Variants in AGPAT4 observed in about 807,000 individuals in gnomAD.
AGPAT4 encodes 1-acylglycerol-3-phosphate O-acyltransferase 4, also known as 1-acyl-sn-glycerol-3-phosphate acyltransferase delta.
Under a neutral mutation model 48.0 loss-of-function variants are expected in AGPAT4, and 15 were observed. The ratio of observed to expected loss-of-function variants is 0.31; its 90% CI spans 0.21 to 0.48. The LOEUF is 0.48. Among genes scored for constraint, AGPAT4 ranks in the 20% least tolerant of loss-of-function variants. AGPAT4 has a pLI of 0.99. For synonymous variants in AGPAT4, 178 were observed against 198.7 expected (o/e 0.90, Z 0.88); for missense variants, 314 against 482.5 (o/e 0.65, Z 3.27).
rs1224926887 is a variant in AGPAT4, at chr6:161,240,794, T to C, written c.-89-8492A>G. Among the ~76,000 whole-genome samples, 1 of 152,148 alleles carries C rather than the reference T, an allele frequency of 6.6e-6. No homozygotes were observed. The highest frequency in any genetic ancestry group is 1.5e-5 in the Non-Finnish European group (1 of 68,040). ...CTCCACCAGGGCGGCAACTAACTTG[T>C]ACAGGTCTGAGGAACGTGCTCTGTT... is the stretch of plus-strand genomic sequence containing the variant. On this transcript the variant is annotated intron_variant, in intron 1 of 8. Coordinates refer to ENST00000320285, the MANE Select transcript of AGPAT4 (RefSeq NM_020133.3). This position sits in a 1 kb window ranked among gnomAD's most constrained non-coding sequence, Gnocchi z 5.5.
At chr6:161,211,254 T>C (rs1435485834) in intron 2 of AGPAT4, among the ~76,000 whole-genome samples, 1 of 152,202 alleles carries the variant, frequency 6.6e-6, no homozygotes, top group Non-Finnish European at 1.5e-5. Context: ...TAAAGTTATA[T>C]TAAATTAAAT....
rs1024188413 is a variant in AGPAT4 at position 161,255,718 on chromosome 6, G to A, written c.-90+18220C>T. ...GAACTTGTGGTTGTCTAGGGCTGGAGGGGGCAGGATGGGGGAGTGACTGCT... is the reference window on the plus strand; with the variant it reads ...GAACTTGTGGTTGTCTAGGGCTGGAAGGGGCAGGATGGGGGAGTGACTGCT... On this transcript the variant is annotated intron_variant, in intron 1 of 8. Coordinates refer to ENST00000320285, the MANE Select transcript of AGPAT4 (RefSeq NM_020133.3). The surrounding 1 kb of genome is among the most constrained non-coding windows in gnomAD (Gnocchi z 4.7). Among the ~76,000 whole-genome samples, 4 of 152,038 alleles carry A rather than the reference G, an allele frequency of 2.6e-5. No individual in the cohort carries two copies. The highest frequency in any genetic ancestry group is 9.7e-5 in the African/African-American group (4 of 41,374).
chr6:161,260,666 A>C (rs1397723455), intron 1 of AGPAT4, among the ~76,000 whole-genome samples: 8 of 148,302 alleles, frequency 5.4e-5, no homozygotes, highest in South Asian at 2.1e-4. Flanking sequence ...AAAAAAAAAA[A>C]AAAAAAAAAA....
rs10585542 is a variant in AGPAT4, at chr6:161,203,381, CTTTT to C, written c.178+28651_178+28654del. Among the ~76,000 whole-genome samples the C allele has an allele frequency of 6.6e-4, 73 of 110,778 alleles. 1 individual carries two copies. The highest frequency in any genetic ancestry group is 1.1e-3 in the African/African-American group (34 of 31,634). The allele number at this position is 110,778 out of a possible 152,430, so 72.7% of individuals were successfully genotyped here. A position where few individuals can be genotyped will look rare whatever the true frequency, so the allele number is the denominator to read the frequency against. ...TTGTGGGAGAGTGTTCTTTTTCTTTCTTTTTTTTTTTTTTTTTTTTTTTTGAGAC... is the reference window on the plus strand; with the variant it reads ...TTGTGGGAGAGTGTTCTTTTTCTTTCTTTTTTTTTTTTTTTTTTTTGAGAC... On this transcript the variant is annotated intron_variant, in intron 2 of 8. Transcript: ENST00000320285.
In AGPAT4 at chr6:161,140,517, G is replaced by A. The variant is rs566469610; in HGVS notation, c.844-897C>T. ...ACATAAATGCACTGCGAAAGAACGC[G>A]GTGGCTCTTCCCTGGGTGTCTCATG... On this transcript the variant is annotated intron_variant, in intron 7 of 8. Coordinates refer to ENST00000320285, the MANE Select transcript of AGPAT4 (RefSeq NM_020133.3). This position sits in a 1 kb window ranked among gnomAD's most constrained non-coding sequence, Gnocchi z 6.5. 3.9e-5 allele frequency among the ~76,000 whole-genome samples: 6 copies of A among 152,326 alleles called. No homozygotes were observed. The highest frequency in any genetic ancestry group is 2.1e-4 in the South Asian group (1 of 4,828).
At chr6:161,187,923 A>C (rs2080146236) in intron 2 of AGPAT4, among the ~76,000 whole-genome samples, 1 of 152,212 alleles carries the variant, frequency 6.6e-6, no homozygotes, top group Admixed American at 6.5e-5. Flanking sequence ...TAAAATCTAC[A>C]TAAGATAAAT....
Position 161,165,781 on chromosome 6 carries a change from A to G in AGPAT4, c.348+467T>C, listed in dbSNP as rs994851628. Reference sequence around the variant, plus strand: ...AATTTTGCAGTTCACTCTCTCACTTATGGACTCAAAGTTCTTAAGCCTTCA... The same window carrying G: ...AATTTTGCAGTTCACTCTCTCACTTGTGGACTCAAAGTTCTTAAGCCTTCA... On this transcript the variant is annotated intron_variant, in intron 3 of 8. Transcript: ENST00000320285. The surrounding 1 kb of genome is among the most constrained non-coding windows in gnomAD (Gnocchi z 5.5). The G allele has an allele frequency of 1.3e-4, 76 of 605,146 alleles. No individual in the cohort carries two copies. Among genetic ancestry groups the G allele is most frequent in the Non-Finnish European group, 2.3e-5 (8 of 340,446 alleles). The allele number at this position is 605,146 out of a possible 1,614,324, so 37.5% of individuals were successfully genotyped here. A position where few individuals can be genotyped will look rare whatever the true frequency, so the allele number is the denominator to read the frequency against.
At position 161,221,199 on chromosome 6, in the gene AGPAT4, G is replaced by A. The variant is rs1417231820; in HGVS notation, c.178+10837C>T. Among the ~76,000 whole-genome samples the A allele has an allele frequency of 6.6e-6, 1 of 152,106 alleles. No individual in the cohort carries two copies. The highest frequency in any genetic ancestry group is 6.6e-5 in the Admixed American group (1 of 15,264). ...CCGGTCAGCAGAAAATCCACCCCTC[G>A]GGGCTGGGTTTCCAGCATGGCAACC... is the stretch of plus-strand genomic sequence containing the variant. On this transcript the variant is annotated intron_variant, in intron 2 of 8. Coordinates refer to ENST00000320285, the MANE Select transcript of AGPAT4 (RefSeq NM_020133.3). This position sits in a 1 kb window ranked among gnomAD's most constrained non-coding sequence, Gnocchi z 4.5.
chr6:161,172,382 A>G (rs959395883), intron 2 of AGPAT4, among the ~76,000 whole-genome samples: 1 of 152,180 alleles, frequency 6.6e-6, no homozygotes, highest in Non-Finnish European at 1.5e-5. Flanking sequence ...GGGGCACCCC[A>G]TCCAGGCCTG....
In AGPAT4 at chr6:161,236,405, G is replaced by A. The variant is rs1353692509; in HGVS notation, c.-89-4103C>T. 6.6e-6 allele frequency among the ~76,000 whole-genome samples: 1 copy of A among 152,202 alleles called. No individual in the cohort carries two copies. The highest frequency in any genetic ancestry group is 1.5e-5 in the Non-Finnish European group (1 of 68,036). On this transcript the variant is annotated intron_variant, in intron 1 of 8. Transcript: ENST00000320285. This position sits in a 1 kb window ranked among gnomAD's most constrained non-coding sequence, Gnocchi z 5.0. The stretch of plus-strand genomic sequence containing the variant: ...TGAAACAGCAGGTGTTTTCCCATCA[G>A]TGAGCTCAGAAGCAGCGTTTAACCT...
chr6:161,186,285 T>A (rs932077239), intron 2 of AGPAT4, among the ~76,000 whole-genome samples: 1 of 152,102 alleles, frequency 6.6e-6, no homozygotes, highest in Admixed American at 6.5e-5. Context: ...AGCCTACAAA[T>A]CTGGGAATCA....
intron 2 of AGPAT4, among the ~76,000 whole-genome samples, chr6:161,179,595 A>C (rs1043396042): frequency 4.6e-5 from 7 of 152,208 alleles, no homozygotes; most frequent in Admixed American, 1.3e-4. Flanking sequence ...ACATGGGCTC[A>C]GACTTCATTG....
chr6:161,241,701 G>A (rs1288567794), intron 1 of AGPAT4, among the ~76,000 whole-genome samples: 6 of 152,150 alleles, frequency 3.9e-5, no homozygotes, highest in Admixed American at 2.0e-4. Context: ...AAGGCTTTCC[G>A]TAGCTTTAAT....
At chr6:161,207,525 A>G (rs558656299) in intron 2 of AGPAT4, among the ~76,000 whole-genome samples, 8 of 152,242 alleles carry the variant, frequency 5.3e-5, no homozygotes, top group Non-Finnish European at 1.2e-4. Context: ...AATATTTATC[A>G]GTGCCTGCAA....
At position 161,262,150 on chromosome 6, in the gene AGPAT4, C is replaced by T. The variant is rs1283595372; in HGVS notation, c.-90+11788G>A. ...TCAAAGTCACCCTCTTCTGGCTAGC[C>T]ACCCTCCTTCTATCCTGAGGTTCCA... is the stretch of plus-strand genomic sequence containing the variant. On this transcript the variant is annotated intron_variant, in intron 1 of 8. Transcript: ENST00000320285. This position sits in a 1 kb window ranked among gnomAD's most constrained non-coding sequence, Gnocchi z 4.9. Among the ~76,000 whole-genome samples the T allele has an allele frequency of 1.3e-5, 2 of 152,094 alleles. No individual in the cohort carries two copies. Among genetic ancestry groups the T allele is most frequent in the African/African-American group, 2.4e-5 (1 of 41,408 alleles).
At chr6:161,152,742 C>T (rs1228930836) in intron 5 of AGPAT4, among the ~76,000 whole-genome samples, 6 of 152,248 alleles carry the variant, frequency 3.9e-5, no homozygotes, top group East Asian at 3.9e-4. Flanking sequence ...CACAGGAAGC[C>T]GCCCCCAGGG....
At chr6:161,199,270 G>A (rs901829495) in intron 2 of AGPAT4, among the ~76,000 whole-genome samples, 6 of 152,172 alleles carry the variant, frequency 3.9e-5, no homozygotes, top group Non-Finnish European at 7.4e-5. Context: ...TGTCATGCCC[G>A]CCCCTCCTAC....
rs545347240 is a variant in AGPAT4 at position 161,148,698 on chromosome 6, T to C, written c.767+489A>G. On this transcript the variant is annotated intron_variant, in intron 6 of 8. Transcript: ENST00000320285. The surrounding 1 kb of genome is among the most constrained non-coding windows in gnomAD (Gnocchi z 5.5). ...GACATTCTGGAGGTGTTCAGCCCAT[T>C]CTATAAGCAGGCAGAGAGAACTAGT... is the stretch of plus-strand genomic sequence containing the variant. Among the ~76,000 whole-genome samples, 1 of 152,304 alleles carries C rather than the reference T, an allele frequency of 6.6e-6. No homozygotes were observed. The highest frequency in any genetic ancestry group is 1.9e-4 in the East Asian group (1 of 5,192).
At chr6:161,194,098 A>G (rs961217190) in intron 2 of AGPAT4, among the ~76,000 whole-genome samples, 2 of 152,226 alleles carry the variant, frequency 1.3e-5, no homozygotes, top group African/African-American at 4.8e-5. Context: ...CCAAACTGAG[A>G]TAAGCTGTAG....
Sources: allele counts gnomAD v4.1 joint callset (sites outside exome capture counted in the v4.1 genomes callset), GRCh38; gene constraint gnomAD v4.1.1; non-coding constraint Gnocchi (gnomAD v3.1); transcripts MANE v1.5; gene names NCBI Gene and HGNC (gene_info 2026-07-23, HGNC 2026-07-21).